Variants in LAYN observed in about 807,000 individuals in gnomAD.
LAYN encodes layilin.
A neutral mutation model predicts 43.6 loss-of-function variants in LAYN; 38 were observed. The observed-to-expected ratio is 0.87, with a 90% CI of 0.67 to 1.14. LAYN has a LOEUF of 1.14. Ranked by LOEUF, LAYN falls within the 50% of genes most tolerant of loss-of-function variation. The pLI is 0.00. For synonymous variants in LAYN, 168 were observed against 172.9 expected (o/e 0.97, Z 0.22); for missense variants, 479 against 463.8 (o/e 1.03, Z -0.30).
At position 111,560,458 on chromosome 11, in the gene LAYN, G is replaced by A; in HGVS notation, c.1125G>A (p.Ter375=). The A allele has an allele frequency of 6.3e-7, 1 of 1,594,608 alleles. No homozygotes were observed. The highest frequency in any genetic ancestry group is 2.2e-5 in the East Asian group (1 of 44,636). The stretch of plus-strand genomic sequence containing the variant: ...TGGAAAATGAAATATATGGTTATTA[G>A]GACATATAAAAAACTGAAACTGACA... ...GWVENEIYGY[*] is the part of the protein sequence containing the mutation. The change falls in exon 7 of 7, where the codon TAG becomes TAA. Residue 375 remains the stop codon, a stop_retained_variant. Coordinates refer to ENST00000375614, the MANE Select transcript of LAYN (RefSeq NM_178834.5).
upstream of LAYN, chr11:111,540,654 C>T (rs568147589): frequency 2.6e-3 from 1,440 of 549,612 alleles, 27 homozygotes; most frequent in African/African-American, 0.026. Flanking sequence ...GGCTGCCCTC[C>T]TCGCAGTGAC....
At chr11:111,541,580 G>C (rs1867540146) in intron 1 of LAYN, 1 of 1,536,302 alleles carries the variant, frequency 6.5e-7, no homozygotes, top group Non-Finnish European at 8.7e-7. Flanking sequence ...TTGGACCTCA[G>C]AGGAGGTAAA....
At chr11:111,543,849 T>C in intron 1 of LAYN, 74 bp from the exon 2 acceptor site, 1 of 1,423,992 alleles carries the variant, frequency 7.0e-7, no homozygotes, top group Non-Finnish European at 9.5e-7. Context: ...TACCTTCCTT[T>C]GGATGCCTCC....
chr11:111,545,076 T>TA (rs35836917), intron 2 of LAYN, among the ~76,000 whole-genome samples: 42,434 of 145,412 alleles, frequency 0.29, 6,546 homozygotes, highest in Middle Eastern at 0.42. Flanking sequence ...ATATATATAT[T>TA]TTTTACCTAT....
At chr11:111,541,543 T>A (rs1189132774) in intron 1 of LAYN, 1 of 1,536,156 alleles carries the variant, frequency 6.5e-7, no homozygotes, top group Non-Finnish European at 8.7e-7. Flanking sequence ...GCTTCCTTCC[T>A]CCTGTTGTGT....
In LAYN at chr11:111,540,741, G is replaced by T. The variant is rs1392586955; in HGVS notation, c.-103G>T. 1 of 1,190,388 alleles carries T rather than the reference G, an allele frequency of 8.4e-7. No homozygotes were observed. Among genetic ancestry groups the T allele is most frequent in the Non-Finnish European group, 1.1e-6 (1 of 877,652 alleles). The allele number at this position is 1,190,388 out of a possible 1,614,324, so 73.7% of individuals were successfully genotyped here. A position where few individuals can be genotyped will look rare whatever the true frequency, so the allele number is the denominator to read the frequency against. ...TCCCGTGCGGTCCGTCGGTGGCCTA[G>T]AGATGCTGCTGCCGCGGTTGCAGTT... On this transcript the variant is annotated 5_prime_UTR_variant, in exon 1 of 7. Coordinates refer to ENST00000375614, the MANE Select transcript of LAYN (RefSeq NM_178834.5).
chr11:111,558,658 C>T (rs887787736), intron 6 of LAYN, among the ~76,000 whole-genome samples: 4 of 151,886 alleles, frequency 2.6e-5, no homozygotes, highest in Admixed American at 1.3e-4. Flanking sequence ...AATTGTGACT[C>T]TAAAGCTGGG....
rs1426254265 is a variant in LAYN at position 111,560,361 on chromosome 11, G to A, written c.1028G>A (p.Ser343Asn). Reference sequence around the variant, plus strand: ...TTTGTGACTCTGGTGAGCGTGGAGAGTGGATTTGTGACCAATGACATTTAT... The same window carrying A: ...TTTGTGACTCTGGTGAGCGTGGAGAATGGATTTGTGACCAATGACATTTAT... ...SGFVTLVSVE[S>N]GFVTNDIYEF... Residue 343 changes from serine (S) to asparagine (N), a missense_variant, in exon 7 of 7, where the codon AGT becomes AAT. Ser to Asn is a conservative substitution (Grantham distance 46, BLOSUM62 1). Transcript: ENST00000375614. 1.2e-6 allele frequency: 2 copies of A among 1,614,034 alleles called. No homozygotes were observed. Among genetic ancestry groups the A allele is most frequent in the Non-Finnish European group, 1.7e-6 (2 of 1,180,004 alleles).
At chr11:111,554,666 T>C (rs1260093969) in intron 4 of LAYN, 73 bp downstream of exon 4, 13 of 1,320,580 alleles carry the variant, frequency 9.8e-6, no homozygotes, top group Non-Finnish European at 1.3e-5. Flanking sequence ...TAAAGCCCTA[T>C]GTCCTTTGGA....
chr11:111,551,258 G>C, intron 3 of LAYN: 1 of 448,826 alleles, frequency 2.2e-6, no homozygotes, highest in Non-Finnish European at 4.5e-6. Context: ...TGGGATGGGG[G>C]CATGGGGAAT....
At chr11:111,541,951 C>T (rs1199259728) in intron 1 of LAYN, among the ~76,000 whole-genome samples, 2 of 152,160 alleles carry the variant, frequency 1.3e-5, no homozygotes, top group African/African-American at 4.8e-5. Flanking sequence ...GGCCCGCGGG[C>T]CTCCTTCCAG....
chr11:111,553,496 A>G (rs375859169), intron 3 of LAYN, among the ~76,000 whole-genome samples: 36 of 151,122 alleles, frequency 2.4e-4, no homozygotes, highest in African/African-American at 8.5e-4. Flanking sequence ...GCGCATGCCT[A>G]TAATCCCAGC....
chr11:111,558,450 CT>C (rs1462856740), intron 6 of LAYN, among the ~76,000 whole-genome samples: 1 of 152,158 alleles, frequency 6.6e-6, no homozygotes, highest in Non-Finnish European at 1.5e-5. Context: ...GCAGTTAATA[CT>C]TGCAGAATAA....
chr11:111,542,056 C>G (rs1326177722), intron 1 of LAYN, among the ~76,000 whole-genome samples: 1 of 152,214 alleles, frequency 6.6e-6, no homozygotes, highest in Non-Finnish European at 1.5e-5. Context: ...TTTCCCTTGA[C>G]AATCCAACAT....
chr11:111,547,654 TC>T (rs1361322606), intron 2 of LAYN, among the ~76,000 whole-genome samples: 5 of 152,216 alleles, frequency 3.3e-5, no homozygotes, highest in Admixed American at 6.5e-5. Context: ...CAATCAGGCT[TC>T]CACTTGGTTG....
At chr11:111,548,378 T>C (rs1197611105) in intron 2 of LAYN, among the ~76,000 whole-genome samples, 2 of 152,092 alleles carry the variant, frequency 1.3e-5, no homozygotes, top group Non-Finnish European at 2.9e-5. Flanking sequence ...AGTACAGAAA[T>C]TATACACCAG....
In LAYN at chr11:111,543,953, G is replaced by A. The variant is rs778489334; in HGVS notation, c.116G>A (p.Arg39Lys). The change falls in exon 2 of 7, where the codon AGG becomes AAG. Residue 39 changes from arginine to lysine, a missense_variant. Coordinates refer to ENST00000375614, the MANE Select transcript of LAYN (RefSeq NM_178834.5). ...GQPVCRGGTQ[R>K]PCYKVIYFHD... ...CCAGTCTGCCGGGGAGGGACACAGA[G>A]GCCTTGTTATAAAGTCATTTACTTC... is the stretch of plus-strand genomic sequence containing the variant. The A allele has an allele frequency of 4.3e-6, 7 of 1,613,716 alleles. No homozygotes were observed. The East Asian group carries it at 1.1e-4, about 26-fold the overall frequency.
chr11:111,553,871 C>T (rs143255958), intron 3 of LAYN, among the ~76,000 whole-genome samples: 2 of 152,190 alleles, frequency 1.3e-5, no homozygotes, highest in African/African-American at 4.8e-5. Context: ...CCTGTCCCTA[C>T]GAACACCAGA....
chr11:111,541,631 G>C (rs1321998831), intron 1 of LAYN: 3 of 1,507,756 alleles, frequency 2.0e-6, no homozygotes, highest in Non-Finnish European at 2.7e-6. Context: ...TCTGCATGTC[G>C]GGGGGAGAAC....
Sources: gnomAD v4.1 joint callset for allele counts (sites outside exome capture counted in the v4.1 genomes callset) on GRCh38, gnomAD v4.1.1 for gene constraint, MANE v1.5 for transcripts, NCBI Gene and HGNC (gene_info 2026-07-23, HGNC 2026-07-21) for gene names.